Variants in THRB observed in about 807,000 individuals in gnomAD.
THRB encodes nuclear receptor subfamily 1 group A member 2.
In THRB, 12 loss-of-function variants were observed where a neutral mutation model predicts 47.8. The ratio of observed to expected loss-of-function variants is 0.25; its 90% CI spans 0.16 to 0.41. THRB has a LOEUF of 0.41. THRB is among the 10% of genes least tolerant of loss of function. The pLI, the probability that THRB is intolerant of heterozygous loss-of-function variation, is 1.00. For synonymous variants in THRB, 218 were observed against 212.2 expected, an observed-to-expected ratio of 1.03 and a Z score of -0.24; for missense variants, 348 against 589.2, an observed-to-expected ratio of 0.59 and a Z score of 4.24.
At chr3:24,419,057 A>T (rs2150265786) in intron 1 of THRB, among the ~76,000 whole-genome samples, 1 of 152,052 alleles carries the variant, frequency 6.6e-6, no homozygotes, top group Middle Eastern at 3.4e-3. Flanking sequence ...TAGACCCATG[A>T]CTGTGAAACC....
intron 1 of THRB, among the ~76,000 whole-genome samples, chr3:24,387,495 A>C (rs1422538333): frequency 1.3e-5 from 2 of 152,020 alleles, no homozygotes; most frequent in African/African-American, 4.8e-5. Flanking sequence ...CCAAAACAAC[A>C]CTTCTGATCA....
chr3:24,289,118 T>C (rs2150954077), intron 3 of THRB, among the ~76,000 whole-genome samples: 1 of 152,290 alleles, frequency 6.6e-6, no homozygotes, highest in Middle Eastern at 3.4e-3. Context: ...CAGAGCTTGC[T>C]GGCCAAATGG....
chr3:24,402,252 T>C lies in THRB; in HGVS notation c.-260-64881A>G, dbSNP rs576706563. On this transcript the variant is annotated intron_variant, in intron 1 of 10. Coordinates refer to ENST00000646209, the MANE Select transcript of THRB (RefSeq NM_001354712.2). ...TTGAAAATTACAAGACTCCTTATGGTTCATCAATGTAGGCATATCAGATCA... is the reference window on the plus strand; with the variant it reads ...TTGAAAATTACAAGACTCCTTATGGCTCATCAATGTAGGCATATCAGATCA... 9.2e-5 allele frequency among the ~76,000 whole-genome samples: 14 copies of C among 152,154 alleles called. No homozygotes were observed. The South Asian group carries it at 2.9e-3, about 32-fold the overall frequency.
intron 3 of THRB, among the ~76,000 whole-genome samples, chr3:24,267,460 A>G (rs2052780824): frequency 6.6e-6 from 1 of 152,112 alleles, no homozygotes; most frequent in South Asian, 2.1e-4. Context: ...ACTGACAAAA[A>G]TTCTCTGCTA....
At chr3:24,182,132 T>C (rs868418243) in intron 5 of THRB, among the ~76,000 whole-genome samples, 9 of 151,320 alleles carry the variant, frequency 5.9e-5, no homozygotes, top group East Asian at 1.9e-4. Flanking sequence ...ACCCGGGAGG[T>C]GGAGCTTGCA....
chr3:24,439,379 G>T (rs539115089), intron 1 of THRB, among the ~76,000 whole-genome samples: 29 of 152,274 alleles, frequency 1.9e-4, no homozygotes, highest in African/African-American at 7.0e-4. Flanking sequence ...ACTCCAGGTA[G>T]GTGGTCTAAT....
chr3:24,422,457 T>G (rs1286931646), intron 1 of THRB, among the ~76,000 whole-genome samples: 1 of 151,872 alleles, frequency 6.6e-6, no homozygotes, highest in African/African-American at 2.4e-5. Flanking sequence ...GAACTTTACA[T>G]GAGGAAAATA....
intron 1 of THRB, among the ~76,000 whole-genome samples, chr3:24,457,595 C>G (rs987407076): frequency 5.3e-5 from 8 of 152,162 alleles, no homozygotes; most frequent in Non-Finnish European, 1.5e-5. Context: ...CGAACAGAAA[C>G]CACAGGTTTA....
intron 3 of THRB, among the ~76,000 whole-genome samples, chr3:24,241,203 G>A (rs905874): frequency 0.68 from 102,815 of 152,076 alleles, 34,938 homozygotes; most frequent in East Asian, 0.84. Flanking sequence ...TGTAAGTATG[G>A]GGCACAACCA....
intron 5 of THRB, among the ~76,000 whole-genome samples, chr3:24,186,796 A>T (rs1437068936): frequency 1.3e-5 from 2 of 152,006 alleles, no homozygotes; most frequent in African/African-American, 4.8e-5. Context: ...AAATACAAAA[A>T]TTAGCTGGGC....
intron 1 of THRB, among the ~76,000 whole-genome samples, chr3:24,429,609 T>G (rs2070154071): frequency 6.6e-6 from 1 of 152,094 alleles, no homozygotes; most frequent in South Asian, 2.1e-4. Context: ...TGTAGATAGT[T>G]GACATAATCA....
At chr3:24,408,472 T>G (rs942723509) in intron 1 of THRB, among the ~76,000 whole-genome samples, 1 of 151,854 alleles carries the variant, frequency 6.6e-6, no homozygotes, top group African/African-American at 2.4e-5. Context: ...AGTGCCACTA[T>G]GTCACCAGGT....
intron 1 of THRB, among the ~76,000 whole-genome samples, chr3:24,438,676 C>G (rs1038437178): frequency 6.6e-6 from 1 of 152,132 alleles, no homozygotes; most frequent in African/African-American, 2.4e-5. Context: ...AAAACTGAAG[C>G]CTGCTGGGGG....
In THRB at chr3:24,190,290, G is replaced by A. The variant is rs886043743; in HGVS notation, c.67C>T (p.Arg23Ter). The A allele has an allele frequency of 1.2e-6, 2 of 1,614,024 alleles. No homozygotes were observed. The highest frequency in any genetic ancestry group is 1.7e-6 in the Non-Finnish European group (2 of 1,179,952). Reference sequence around the variant, plus strand: ...CCTACTAGCTTCCAGTCGTGTTCTCGGTCTGGACAGTGCTTCGGTTTGTCC... The same window carrying A: ...CCTACTAGCTTCCAGTCGTGTTCTCAGTCTGGACAGTGCTTCGGTTTGTCC... ...AWDKPKHCPD[R>*]EHDWKLVGMS... is the part of the protein sequence containing the mutation. Residue 23 changes from arginine (R) to a stop codon, truncating the protein, a stop_gained, in exon 5 of 11, where the codon CGA (arginine) becomes TGA (stop). Transcript: ENST00000646209. LOFTEE classifies it high-confidence loss of function.
intron 2 of THRB, among the ~76,000 whole-genome samples, chr3:24,304,738 G>C (rs1029153309): frequency 6.6e-6 from 1 of 151,884 alleles, no homozygotes; most frequent in African/African-American, 2.4e-5. Flanking sequence ...TTCAAAAGCT[G>C]GTTCTTTTAT....
chr3:24,344,522 G>C (rs2062881097), intron 1 of THRB, among the ~76,000 whole-genome samples: 1 of 151,878 alleles, frequency 6.6e-6, no homozygotes, highest in Non-Finnish European at 1.5e-5. Context: ...TGTTCAAACA[G>C]AAACAAATAA....
At chr3:24,127,964 A>G (rs899346855) in intron 9 of THRB, among the ~76,000 whole-genome samples, 1 of 152,158 alleles carries the variant, frequency 6.6e-6, no homozygotes, top group African/African-American at 2.4e-5. Flanking sequence ...ATCTTCACCA[A>G]CTTTAACCTC....
chr3:24,287,803 T>C (rs2055479051), intron 3 of THRB, among the ~76,000 whole-genome samples: 1 of 152,190 alleles, frequency 6.6e-6, no homozygotes, highest in Non-Finnish European at 1.5e-5. Context: ...ACTGATTAGA[T>C]CCAGTTCACT....
chr3:24,411,666 C>T (rs569446503), intron 1 of THRB, among the ~76,000 whole-genome samples: 6 of 151,844 alleles, frequency 4.0e-5, no homozygotes, highest in Admixed American at 6.6e-5. Context: ...ACAGTTTTGT[C>T]CCACAAGAGA....
Sources: allele counts gnomAD v4.1 joint callset (sites outside exome capture counted in the v4.1 genomes callset), GRCh38; gene constraint gnomAD v4.1.1; transcripts MANE v1.5; gene names NCBI Gene and HGNC (gene_info 2026-07-23, HGNC 2026-07-21).